The following GALNT14 variants were observed in gnomAD, a reference collection of about 807,000 sequenced individuals.
GALNT14 encodes polypeptide N-acetylgalactosaminyltransferase 14.
A neutral mutation model predicts 77.5 loss-of-function variants in GALNT14; 60 were observed. That is an observed-to-expected ratio of 0.77 (90% CI 0.63 to 0.96). The LOEUF is 0.96. GALNT14 is among the 40% of genes least tolerant of loss of function. The pLI, the probability that GALNT14 is intolerant of heterozygous loss-of-function variation, is 0.00. For synonymous variants in GALNT14, 280 were observed against 281.7 expected, an observed-to-expected ratio of 0.99 and a Z score of 0.06; for missense variants, 710 against 731.0, an observed-to-expected ratio of 0.97 and a Z score of 0.33.
At chr2:30,963,407 A>G (rs1441112290) in intron 3 of GALNT14, among the ~76,000 whole-genome samples, 1 of 152,236 alleles carries the variant, frequency 6.6e-6, no homozygotes, top group Non-Finnish European at 1.5e-5. Flanking sequence ...CAGGCCACAA[A>G]GCTCAGGATA....
At chr2:30,895,945 A>G in the GALNT14 span, among the ~76,000 whole-genome samples, 1 of 152,136 alleles carries the variant, frequency 6.6e-6, no homozygotes, top group Non-Finnish European at 1.5e-5. Flanking sequence ...GGCTGATGCC[A>G]CGTCAATTGG....
rs1181788023 is a variant in GALNT14, at chr2:31,130,783, T to TGTGTGTGTGTGC, written c.129+7174_129+7175insGCACACACACAC. Among the ~76,000 whole-genome samples, 88 of 118,660 alleles carry TGTGTGTGTGTGC rather than the reference T, an allele frequency of 7.4e-4. 1 individual carries two copies. The highest frequency in any genetic ancestry group is 2.9e-3 in the African/African-American group (80 of 27,408). 77.8% of individuals were successfully genotyped at this position (118,660 alleles called of 152,430 possible). A position where few individuals can be genotyped will look rare whatever the true frequency, so the allele number is the denominator to read the frequency against. ...GTGTGTGTGTGTGTGTGTGTGTGTG[T>TGTGTGTGTGTGC]GCGCGCGCACCTGTGTGTGTGCCTG... On this transcript the variant is annotated intron_variant, in intron 1 of 14. Coordinates refer to ENST00000349752, the MANE Select transcript of GALNT14 (RefSeq NM_024572.4).
chr2:31,138,307 AGGAC>A lies in GALNT14; in HGVS notation c.-225_-222del. ...AGGGCGACCCGAAACGTGGCAGGGA[AGGAC>A]CGAGGGCAGCCAAGCTGGACGCCCG... On this transcript the variant is annotated 5_prime_UTR_variant, in exon 1 of 15. Transcript: ENST00000349752. The A allele has an allele frequency of 1.8e-6, 1 of 541,312 alleles. No individual in the cohort carries two copies. The highest frequency in any genetic ancestry group is 3.3e-5 in the East Asian group (1 of 29,996). The allele number at this position is 541,312 out of a possible 1,614,324, so 33.5% of individuals were successfully genotyped here.
chr2:31,025,416 C>A (rs1048543955), intron 1 of GALNT14, among the ~76,000 whole-genome samples: 1 of 152,106 alleles, frequency 6.6e-6, no homozygotes, highest in Non-Finnish European at 1.5e-5. Context: ...CGGGTAGAGG[C>A]AGGCATAGGG....
In GALNT14 at chr2:30,910,854, C is replaced by G; in HGVS notation, c.*47G>C. The G allele has an allele frequency of 6.3e-7, 1 of 1,599,168 alleles. No homozygotes were observed. On this transcript the variant is annotated 3_prime_UTR_variant, in exon 15 of 15. Coordinates refer to ENST00000349752, the MANE Select transcript of GALNT14 (RefSeq NM_024572.4). ...TGCCCAGTTTCCAGTCTGTTCTGGT[C>G]CAGGGAAGCACCACCCCATGGCCCT...
At chr2:30,937,306 T>G (rs1366783607) in intron 9 of GALNT14, among the ~76,000 whole-genome samples, 1 of 152,246 alleles carries the variant, frequency 6.6e-6, no homozygotes, top group African/African-American at 2.4e-5. Context: ...CCCTGTGATG[T>G]GGGGCCTACT....
intron 1 of GALNT14, among the ~76,000 whole-genome samples, chr2:31,040,058 G>A (rs754282900): frequency 3.9e-5 from 6 of 152,096 alleles, no homozygotes; most frequent in African/African-American, 7.2e-5. Flanking sequence ...GGAATTTTGG[G>A]TTCTTTTCCA....
chr2:31,054,193 C>T (rs887158323), intron 1 of GALNT14, among the ~76,000 whole-genome samples: 5 of 152,230 alleles, frequency 3.3e-5, no homozygotes, highest in Non-Finnish European at 5.9e-5. Flanking sequence ...CTGGGATGAG[C>T]TGTCTGCTTA....
intron 1 of GALNT14, among the ~76,000 whole-genome samples, chr2:31,045,571 T>G (rs1015764356): frequency 5.3e-5 from 8 of 152,178 alleles, no homozygotes; most frequent in Non-Finnish European, 1.2e-4. Context: ...CAAGCAATTC[T>G]CCTGCTTCAG....
intron 2 of GALNT14, among the ~76,000 whole-genome samples, chr2:30,974,630 T>C (rs904691555): frequency 6.6e-6 from 1 of 152,238 alleles, no homozygotes; most frequent in African/African-American, 2.4e-5. Context: ...GGCTATTTTT[T>C]CCTCTTCTAA....
chr2:31,010,491 T>C (rs1670958704), intron 1 of GALNT14, among the ~76,000 whole-genome samples: 1 of 152,214 alleles, frequency 6.6e-6, no homozygotes, highest in East Asian at 1.9e-4. Context: ...GGTGAGCACC[T>C]GTAGTCCCAG....
chr2:31,109,011 A>T (rs1450419454), intron 1 of GALNT14, among the ~76,000 whole-genome samples: 1 of 152,164 alleles, frequency 6.6e-6, no homozygotes, highest in African/African-American at 2.4e-5. Flanking sequence ...GACCTGATCA[A>T]CTCAAAGGCT....
intron 1 of GALNT14, chr2:31,129,376 C>T (rs1410696556): frequency 1.0e-6 from 1 of 985,306 alleles, no homozygotes; most frequent in Non-Finnish European, 1.2e-6. Context: ...AAAGCTACCT[C>T]TTATCTTCTT....
At chr2:30,977,381 A>G (rs1258661356) in intron 2 of GALNT14, among the ~76,000 whole-genome samples, 1 of 152,134 alleles carries the variant, frequency 6.6e-6, no homozygotes, top group East Asian at 1.9e-4. Context: ...GTGAGCCACC[A>G]TACCCAGCCC....
chr2:30,996,065 T>C (rs1670011641), intron 1 of GALNT14, among the ~76,000 whole-genome samples: 1 of 152,174 alleles, frequency 6.6e-6, no homozygotes, highest in Admixed American at 6.5e-5. Context: ...CCACCAACGC[T>C]GGGGAGGGCA....
At chr2:30,903,200 A>G in the GALNT14 span, among the ~76,000 whole-genome samples, 1 of 152,220 alleles carries the variant, frequency 6.6e-6, no homozygotes, top group South Asian at 2.1e-4. Flanking sequence ...TGGATTTTAT[A>G]ATGATGACCT....
intron 1 of GALNT14, among the ~76,000 whole-genome samples, chr2:31,111,292 T>C (rs1435364291): frequency 6.6e-6 from 1 of 152,134 alleles, no homozygotes; most frequent in African/African-American, 2.4e-5. Flanking sequence ...CCTTCCGGGG[T>C]GGCTAGCCTG....
intron 6 of GALNT14, among the ~76,000 whole-genome samples, chr2:30,951,661 C>T (rs367905641): frequency 1.1e-4 from 17 of 152,354 alleles, no homozygotes; most frequent in South Asian, 4.1e-4. Context: ...CACACATGCA[C>T]GCACACGTGC....
chr2:30,955,939 T>G lies in GALNT14; in HGVS notation c.505A>C (p.Lys169Gln). Residue 169 changes from lysine to glutamine, a missense_variant, in exon 5 of 15, where the codon AAA becomes CAA. Physicochemically the swap from Lys to Gln is moderately conservative, Grantham distance 53. Transcript: ENST00000349752. ...CKQLIKLPKVKCLRNNERQGL... is the reference protein window; with the variant it reads ...CKQLIKLPKVQCLRNNERQGL... ...TGCCGTTCATTATTGCGCAAGCATT[T>G]CACCTTGGGCAACTTGATGAGCTGT... is the stretch of plus-strand genomic sequence containing the variant. The G allele has an allele frequency of 1.2e-6, 2 of 1,614,162 alleles. No homozygotes were observed. The highest frequency in any genetic ancestry group is 1.7e-6 in the Non-Finnish European group (2 of 1,180,042).
Sources: gnomAD v4.1 joint callset for allele counts (sites outside exome capture counted in the v4.1 genomes callset) on GRCh38, gnomAD v4.1.1 for gene constraint, MANE v1.5 for transcripts, NCBI Gene and HGNC (gene_info 2026-07-23, HGNC 2026-07-21) for gene names.